Variants in TUT4 observed in about 807,000 individuals in gnomAD.
TUT4 encodes the protein terminal uridylyl transferase 4.
TUT4 carries 36 observed loss-of-function variants against 192.2 expected under a neutral mutation model. The ratio of observed to expected loss-of-function variants is 0.19; its 90% confidence interval spans 0.14 to 0.25. TUT4 has a LOEUF of 0.25. TUT4 is among the 10% of genes least tolerant of loss of function. TUT4 has a pLI of 1.00. For missense variants in TUT4, 1,493 were observed against 1,957.2 expected, an observed-to-expected ratio of 0.76 and a Z score of 4.47; for synonymous variants, 618 against 666.0, an observed-to-expected ratio of 0.93 and a Z score of 1.11.
intron 25 of TUT4, chr1:52,437,676 C>T (rs143722981): frequency 3.7e-3 from 561 of 152,676 alleles, no homozygotes; most frequent in Non-Finnish European, 5.9e-3. Flanking sequence ...ACAAAACTGG[C>T]TGGCATGGTG....
At chr1:52,549,110 A>G (rs1688774728) in intron 1 of TUT4, among the ~76,000 whole-genome samples, 1 of 152,228 alleles carries the variant, frequency 6.6e-6, no homozygotes, top group African/African-American at 2.4e-5. Context: ...TACGGAAAAG[A>G]AGGCTTGCCT....
intron 15 of TUT4, among the ~76,000 whole-genome samples, chr1:52,467,327 T>A (rs545674592): frequency 9.8e-5 from 15 of 152,344 alleles, no homozygotes; most frequent in African/African-American, 3.6e-4. Flanking sequence ...TTCATCCCCA[T>A]GCCCAAAACT....
intron 1 of TUT4, among the ~76,000 whole-genome samples, chr1:52,540,687 T>G (rs1376839730): frequency 6.6e-6 from 1 of 152,146 alleles, no homozygotes; most frequent in Non-Finnish European, 1.5e-5. Flanking sequence ...ATAACACAAA[T>G]GGGACTGGTA....
intron 1 of TUT4, chr1:52,530,016 T>C (rs1311501613): frequency 6.6e-6 from 1 of 152,136 alleles, no homozygotes; most frequent in African/African-American, 2.4e-5. Flanking sequence ...CCAATTCTTG[T>C]ATTTTTTGTA....
chr1:52,511,327 C>T (rs985700087), intron 3 of TUT4, among the ~76,000 whole-genome samples: 1 of 152,168 alleles, frequency 6.6e-6, no homozygotes, highest in Non-Finnish European at 1.5e-5. Context: ...ATTAAGTCCT[C>T]AAAGAAAACG....
At chr1:52,487,472 A>AG (rs1178790090) in intron 9 of TUT4, among the ~76,000 whole-genome samples, 2 of 151,960 alleles carry the variant, frequency 1.3e-5, no homozygotes, top group Non-Finnish European at 2.9e-5. Flanking sequence ...AGTAAAAAAA[A>AG]CCATACCTGG....
In TUT4 at chr1:52,438,286, T is replaced by C. The variant is rs1465520938; in HGVS notation, c.3872A>G (p.Asn1291Ser). ...TCCACACACACGGCAACATCTATCA[T>C]TGGGAGCCAGTTCTCCATCTGTTAA... ...RVLTDGELAP[N>S]DRCCRVCGKI... The change falls in exon 25 of 30, where the codon AAT becomes AGT. Residue 1291 changes from asparagine to serine, a missense_variant. By Grantham distance (46) the Asn-to-Ser change is conservative (BLOSUM62 1). This residue lies in a region of TUT4 where 141 missense variants were observed against 382.7 expected (regional missense o/e 0.37). Coordinates refer to ENST00000257177, the MANE Select transcript of TUT4 (RefSeq NM_001009881.3). 1.2e-6 allele frequency: 2 copies of C among 1,613,976 alleles called. No homozygotes were observed. The highest frequency in any genetic ancestry group is 1.7e-6 in the Non-Finnish European group (2 of 1,179,944).
In TUT4 at chr1:52,525,987, T is replaced by G; in HGVS notation, c.294A>C (p.Ala98=). 1 of 1,614,192 alleles carries G rather than the reference T, an allele frequency of 6.2e-7. No homozygotes were observed. Among genetic ancestry groups the G allele is most frequent in the Non-Finnish European group, 8.5e-7 (1 of 1,180,038 alleles). The change falls in exon 2 of 30, where the codon GCA becomes GCC. Residue 98 remains alanine (A), a synonymous_variant. Coordinates refer to ENST00000257177, the MANE Select transcript of TUT4 (RefSeq NM_001009881.3). ...TCACCGGTGAATTAGGAAATTTTTTTGCTTTGCAATGACTTTGATCTCGAA... is the reference window on the plus strand; with the variant it reads ...TCACCGGTGAATTAGGAAATTTTTTGGCTTTGCAATGACTTTGATCTCGAA... ...LVLRDQSHCK[A]KKFPNSPVKA...
In TUT4 at chr1:52,433,862, A is replaced by G. The variant is rs1267919346; in HGVS notation, c.4263+1503T>C. ...CCACCAAGTTCAAGATAGCAGATAC[A>G]TTTCTGTAGCAAGGGAAGGATGGTA... On this transcript the variant is annotated intron_variant, in intron 27 of 29. Transcript: ENST00000257177. The G allele has an allele frequency of 2.0e-5, 3 of 152,194 alleles. No homozygotes were observed. In the East Asian group the frequency reaches 5.8e-4, roughly 29 times the overall value. The allele number at this position is 152,194 out of a possible 1,614,324, so 9.4% of individuals were successfully genotyped here. A position where few individuals can be genotyped will look rare whatever the true frequency, so the allele number is the denominator to read the frequency against.
At chr1:52,438,098 T>C (rs1654389791) in intron 25 of TUT4, 122 bp downstream of exon 25, 1 of 674,904 alleles carries the variant, frequency 1.5e-6, no homozygotes, top group Non-Finnish European at 2.5e-6. Flanking sequence ...AATGAACATT[T>C]ACCTTAGGTA....
At chr1:52,542,123 C>G (rs180748622) in intron 1 of TUT4, among the ~76,000 whole-genome samples, 5 of 152,072 alleles carry the variant, frequency 3.3e-5, no homozygotes, top group African/African-American at 1.2e-4. Flanking sequence ...TCTACTGATA[C>G]GCAGTACCTA....
chr1:52,530,864 G>A (rs1683188680), intron 1 of TUT4, among the ~76,000 whole-genome samples: 1 of 152,126 alleles, frequency 6.6e-6, no homozygotes, highest in South Asian at 2.1e-4. Flanking sequence ...TTAGCCAGGT[G>A]TGGTGGTATG....
intron 11 of TUT4, among the ~76,000 whole-genome samples, chr1:52,480,094 G>C (rs1181074605): frequency 6.6e-6 from 1 of 151,966 alleles, no homozygotes; most frequent in Non-Finnish European, 1.5e-5. Context: ...AGAGAGGTCT[G>C]GCTGGAGATT....
At chr1:52,503,593 T>G (rs1243240441) in intron 4 of TUT4, among the ~76,000 whole-genome samples, 1 of 152,208 alleles carries the variant, frequency 6.6e-6, no homozygotes, top group Non-Finnish European at 1.5e-5. Flanking sequence ...AATTTTTATT[T>G]ATTTTTTAAT....
chr1:52,471,791 C>T (rs890517851), intron 14 of TUT4, among the ~76,000 whole-genome samples, 161 bp downstream of exon 14: 2 of 147,748 alleles, frequency 1.4e-5, no homozygotes, highest in Non-Finnish European at 2.9e-5. Context: ...TACCATGATG[C>T]CCTGCACATA....
chr1:52,472,436 A>C (rs1233941581), intron 13 of TUT4, among the ~76,000 whole-genome samples: 1 of 152,034 alleles, frequency 6.6e-6, no homozygotes, highest in Non-Finnish European at 1.5e-5. Context: ...ACTTACTGAG[A>C]TCTAACAAAA....
At chr1:52,460,359 G>A (rs1050043020) in intron 19 of TUT4, among the ~76,000 whole-genome samples, 2 of 152,082 alleles carry the variant, frequency 1.3e-5, no homozygotes, top group South Asian at 4.1e-4. Context: ...GTGAATGCCT[G>A]TAATCCCAGC....
rs532333009 is a variant in TUT4 at position 52,532,618 on chromosome 1, T to C, written c.-93-6245A>G. 5.3e-5 allele frequency among the ~76,000 whole-genome samples: 8 copies of C among 152,290 alleles called. No homozygotes were observed. In the East Asian group the frequency reaches 1.5e-3, roughly 29 times the overall value. ...GAGCTACCATGCCCGGCCTTACCTA[T>C]TATCTGCTAACTTCCTACATGAAAG... On this transcript the variant is annotated intron_variant, in intron 1 of 29. Transcript: ENST00000257177.
intron 16 of TUT4, 68 bp downstream of exon 16, chr1:52,465,002 A>C (rs1663722754): frequency 8.0e-7 from 1 of 1,250,340 alleles, no homozygotes; most frequent in Admixed American, 2.4e-5. Context: ...AATATCACAT[A>C]CAAAAATAAA....
Sources: allele counts gnomAD v4.1 joint callset (sites outside exome capture counted in the v4.1 genomes callset), GRCh38; gene constraint gnomAD v4.1.1; regional missense constraint gnomAD v4.1.1; transcripts MANE v1.5; gene names NCBI Gene and HGNC (gene_info 2026-07-23, HGNC 2026-07-21).